The following MAPDA variants were observed in gnomAD, a reference collection of about 807,000 sequenced individuals.
The protein encoded by MAPDA is N6,N6-dimethyl-AMP deaminase.
the MAPDA span, chr15:43,336,804 T>C: frequency 2.8e-6 from 2 of 724,030 alleles, no homozygotes; most frequent in South Asian, 5.9e-5. Flanking sequence ...GTTTTCTCTA[T>C]TATGGCAACT....
At chr15:43,335,109 T>C in the MAPDA span, 2 of 1,613,584 alleles carry the variant, frequency 1.2e-6, no homozygotes, top group Admixed American at 1.7e-5. Context: ...CCTGCTAAAA[T>C]GATAGAGGCA....
At chr15:43,351,539 A>G in the MAPDA span, 1 of 536,382 alleles carries the variant, frequency 1.9e-6, no homozygotes, top group East Asian at 3.1e-5. Context: ...TAATTTTAAT[A>G]TCCAGCCAGA....
the MAPDA span, among the ~76,000 whole-genome samples, chr15:43,342,792 CA>C: frequency 6.6e-6 from 1 of 151,048 alleles, no homozygotes; most frequent in Non-Finnish European, 1.5e-5. Context: ...ATTTCTCTAA[CA>C]CTTCATTTCC....
At chr15:43,351,341 A>T in the MAPDA span, 1 of 335,168 alleles carries the variant, frequency 3.0e-6, no homozygotes, top group Non-Finnish European at 5.4e-6. Flanking sequence ...AGCAAAAAAA[A>T]AAAGGGACTG....
the MAPDA span, chr15:43,335,594 T>A: frequency 7.8e-7 from 1 of 1,274,952 alleles, no homozygotes; most frequent in African/African-American, 1.5e-5. Context: ...TAGCTAAATC[T>A]AGTAAGCAGT....
the MAPDA span, chr15:43,330,966 T>G: frequency 6.5e-6 from 1 of 153,280 alleles, no homozygotes; most frequent in Non-Finnish European, 1.5e-5. Context: ...CAAGGATTAG[T>G]TAGCTTCCTT....
the MAPDA span, chr15:43,352,036 G>A: frequency 7.5e-7 from 1 of 1,324,604 alleles, no homozygotes; most frequent in African/African-American, 1.5e-5. Flanking sequence ...CTCCTTTGAA[G>A]CATAGCAACC....
chr15:43,351,702 G>GA, the MAPDA span: 2 of 1,480,282 alleles, frequency 1.4e-6, no homozygotes, highest in Non-Finnish European at 1.8e-6. Flanking sequence ...GGTTGTTTTT[G>GA]AAAAATCCTT....
the MAPDA span, among the ~76,000 whole-genome samples, chr15:43,346,456 C>A: frequency 6.6e-6 from 1 of 152,182 alleles, no homozygotes. Context: ...TTAGCAGCAT[C>A]CTTGGCCTCT....
chr15:43,340,558 C>G, the MAPDA span, among the ~76,000 whole-genome samples: 1 of 152,166 alleles, frequency 6.6e-6, no homozygotes, highest in Non-Finnish European at 1.5e-5. Context: ...CAGGGTCTTG[C>G]TGTCTTGCCC....
chr15:43,336,883 T>C, the MAPDA span, among the ~76,000 whole-genome samples: 1 of 152,094 alleles, frequency 6.6e-6, no homozygotes, highest in Non-Finnish European at 1.5e-5. Flanking sequence ...GTAAAAGATA[T>C]GAGGAAAGAA....
At chr15:43,348,540 G>A in the MAPDA span, among the ~76,000 whole-genome samples, 1 of 151,954 alleles carries the variant, frequency 6.6e-6, no homozygotes, top group African/African-American at 2.4e-5. Context: ...TGTCTATAAC[G>A]GAACACACAT....
the MAPDA span, chr15:43,352,185 A>G: frequency 1.1e-5 from 4 of 372,122 alleles, no homozygotes; most frequent in African/African-American, 8.3e-5. Context: ...CCATTCCACC[A>G]GTGATTATTG....
At chr15:43,340,959 G>A in the MAPDA span, among the ~76,000 whole-genome samples, 21 of 152,304 alleles carry the variant, frequency 1.4e-4, no homozygotes, top group Admixed American at 3.9e-4. Flanking sequence ...CTAAAATGTA[G>A]GTTATTCATT....
chr15:43,343,342 A>G, the MAPDA span, among the ~76,000 whole-genome samples: 1 of 152,240 alleles, frequency 6.6e-6, no homozygotes. Flanking sequence ...TGTGGCCTAC[A>G]AGGTCCCACA....
the MAPDA span, among the ~76,000 whole-genome samples, chr15:43,346,175 G>A: frequency 1.3e-5 from 2 of 151,862 alleles, no homozygotes; most frequent in African/African-American, 4.8e-5. Context: ...AAACAATTAA[G>A]TACCCTAAAA....
At chr15:43,349,004 T>C in the MAPDA span, 1 of 1,614,202 alleles carries the variant, frequency 6.2e-7, no homozygotes, top group Non-Finnish European at 8.5e-7. Flanking sequence ...GGAGGATCCC[T>C]GGATCTGGTG....
the MAPDA span, among the ~76,000 whole-genome samples, chr15:43,339,101 G>A: frequency 6.6e-6 from 1 of 152,148 alleles, no homozygotes; most frequent in Non-Finnish European, 1.5e-5. Context: ...ACAAAGGTGA[G>A]GCCACAATTT....
the MAPDA span, among the ~76,000 whole-genome samples, chr15:43,337,840 C>T: frequency 1.1e-4 from 17 of 152,206 alleles, no homozygotes; most frequent in Admixed American, 1.1e-3. Context: ...GAGAGATTGA[C>T]ACAGTTTCTG....
Sources: gnomAD v4.1 joint callset for allele counts (sites outside exome capture counted in the v4.1 genomes callset) on GRCh38, gnomAD v4.1.1 for gene constraint, MANE v1.5 for transcripts, NCBI Gene and HGNC (gene_info 2026-07-23, HGNC 2026-07-21) for gene names.